ACO1: variants seen among roughly 807,000 people sequenced by gnomAD.
ACO1 encodes the protein cytoplasmic aconitate hydratase.
ACO1 carries 78 observed loss-of-function variants against 105.1 expected under a neutral mutation model. That is an observed-to-expected ratio of 0.74 (90% confidence interval 0.62 to 0.90). ACO1 has a LOEUF of 0.90. Ranked by LOEUF, ACO1 falls within the 40% of genes least tolerant of loss-of-function variation. The pLI is 0.00. For synonymous variants in ACO1, 364 were observed against 397.4 expected (o/e 0.92, Z 1.00); for missense variants, 965 against 1,111.1 (o/e 0.87, Z 1.87).
At chr9:32,423,446 G>C (rs950107352) in intron 9 of ACO1, 27 bp downstream of exon 9, 9 of 1,449,950 alleles carry the variant, frequency 6.2e-6, no homozygotes, top group African/African-American at 4.3e-5. Context: ...CACTGTGCAT[G>C]TATTTCCTCT....
intron 19 of ACO1, among the ~76,000 whole-genome samples, chr9:32,443,433 CTT>C (rs1007161007): frequency 1.2e-4 from 18 of 152,270 alleles, no homozygotes; most frequent in Middle Eastern, 6.8e-3. Flanking sequence ...AACCAAGTGA[CTT>C]TTCAAGATAT....
intron 4 of ACO1, among the ~76,000 whole-genome samples, chr9:32,415,269 C>T (rs1009521574): frequency 6.6e-6 from 1 of 152,136 alleles, no homozygotes; most frequent in Non-Finnish European, 1.5e-5. Flanking sequence ...TAGATTCAGA[C>T]TGGTGCATGA....
At chr9:32,429,077 TATGAC>T (rs1485344008) in intron 12 of ACO1, among the ~76,000 whole-genome samples, 2 of 152,194 alleles carry the variant, frequency 1.3e-5, no homozygotes, top group Non-Finnish European at 2.9e-5. Context: ...ATTCCTGACT[TATGAC>T]ATATATTTTA....
At chr9:32,427,046 A>G (rs1822115278) in intron 11 of ACO1, among the ~76,000 whole-genome samples, 1 of 152,208 alleles carries the variant, frequency 6.6e-6, no homozygotes, top group Admixed American at 6.5e-5. Flanking sequence ...CTCTTTAAAA[A>G]AAAAGTAAGC....
chr9:32,440,511 C>A lies in ACO1; in HGVS notation c.2294C>A (p.Pro765His), dbSNP rs1027207166. 1.9e-6 allele frequency: 3 copies of A among 1,613,890 alleles called. No individual in the cohort carries two copies. The African/African-American group carries it at 4.0e-5, about 22-fold the overall frequency. ...AAERYQQAGL[P>H]LIVLAGKEYG... ...GAGCGGTACCAGCAGGCAGGCCTTC[C>A]CCTGATCGTTCTGGCTGGCAAAGAG... Residue 765 changes from proline to histidine, a missense_variant, in exon 19 of 21, where the codon CCC (proline) becomes CAC (histidine). Physicochemically the swap from Pro to His is moderately conservative, Grantham distance 77. Transcript: ENST00000309951.
chr9:32,420,817 C>T lies in ACO1; in HGVS notation c.799-39C>T, dbSNP rs764484833. 2.5e-6 allele frequency: 4 copies of T among 1,596,328 alleles called. No homozygotes were observed. In the South Asian group the frequency reaches 4.5e-5, roughly 18 times the overall value. On this transcript the variant is annotated intron_variant, in intron 7 of 20. Transcript: ENST00000309951. Reference sequence around the variant, plus strand: ...GTAGTTCTGCATTTTGAATGTGGGCCATCAGATCTCAAACTTTTCTGTTGT... The same window carrying T: ...GTAGTTCTGCATTTTGAATGTGGGCTATCAGATCTCAAACTTTTCTGTTGT...
At chr9:32,409,943 A>G (rs778208067) in intron 4 of ACO1, among the ~76,000 whole-genome samples, 10 of 152,252 alleles carry the variant, frequency 6.6e-5, no homozygotes, top group Non-Finnish European at 1.2e-4. Context: ...TTGAAAGTGA[A>G]TACTTCTTAA....
chr9:32,419,510 G>C (rs1234246984), intron 7 of ACO1, among the ~76,000 whole-genome samples: 1 of 152,158 alleles, frequency 6.6e-6, no homozygotes, highest in Non-Finnish European at 1.5e-5. Context: ...AGTTGCTTCA[G>C]AGCTCTCTGT....
At chr9:32,405,354 A>C (rs1821586512) in intron 1 of ACO1, 131 bp from the exon 2 acceptor site, 1 of 590,590 alleles carries the variant, frequency 1.7e-6, no homozygotes, top group Non-Finnish European at 3.0e-6. Flanking sequence ...TTTAAAGTTC[A>C]GTGTGTACAT....
rs1001411180 is a variant in ACO1, at chr9:32,427,391, A to G, written c.1439A>G (p.Tyr480Cys). 8 of 1,614,068 alleles carry G rather than the reference A, an allele frequency of 5.0e-6. No homozygotes were observed. In the African/African-American group the frequency reaches 9.3e-5, roughly 19 times the overall value. ...SLSPGSGVVT[Y>C]YLQESGVMPY... ...TCTCCTGGGAGTGGCGTGGTCACCT[A>G]CTACCTACAAGAAAGCGGAGTCATG... Residue 480 changes from tyrosine to cysteine, a missense_variant, in exon 12 of 21, where the codon TAC becomes TGC. By Grantham distance (194) the Tyr-to-Cys change is radical. Transcript: ENST00000309951.
chr9:32,440,589 T>G lies in ACO1; in HGVS notation c.2370+2T>G, dbSNP rs763620152. ...GCAGCTAAGGGCCCTTTCCTGCTGGTGAGTATGAAGTAGACATCCTAGGAG... is the reference window on the plus strand; with the variant it reads ...GCAGCTAAGGGCCCTTTCCTGCTGGGGAGTATGAAGTAGACATCCTAGGAG... On this transcript the variant is annotated splice_donor_variant, in intron 19 of 20. Coordinates refer to ENST00000309951, the MANE Select transcript of ACO1 (RefSeq NM_002197.3). LOFTEE classifies it high-confidence loss of function. The G allele has an allele frequency of 1.2e-6, 2 of 1,613,398 alleles. No individual in the cohort carries two copies. Among genetic ancestry groups the G allele is most frequent in the Non-Finnish European group, 1.7e-6 (2 of 1,179,710 alleles).
intron 1 of ACO1, among the ~76,000 whole-genome samples, chr9:32,398,018 AAAAAC>A (rs1821407784): frequency 6.6e-6 from 1 of 152,108 alleles, no homozygotes; most frequent in South Asian, 2.1e-4. Context: ...CAAACAAACA[AAAAAC>A]AAATTCTCAT....
At position 32,429,413 on chromosome 9, in the gene ACO1, G is replaced by A. The variant is rs1822175859; in HGVS notation, c.1485-6G>A. 1.9e-6 allele frequency: 3 copies of A among 1,613,948 alleles called. No individual in the cohort carries two copies. Among genetic ancestry groups the A allele is most frequent in the Non-Finnish European group, 2.5e-6 (3 of 1,179,832 alleles). The stretch of plus-strand genomic sequence containing the variant: ...TGTGTGTGTGTGCTTCTCTCTTGGT[G>A]TCTAGGTTTGACGTGGTGGGCTATG... On this transcript the variant is annotated splice_region_variant and splice_polypyrimidine_tract_variant and intron_variant, in intron 12 of 20. Coordinates refer to ENST00000309951, the MANE Select transcript of ACO1 (RefSeq NM_002197.3).
chr9:32,442,059 G>A (rs1020150639), intron 19 of ACO1, among the ~76,000 whole-genome samples: 3 of 151,990 alleles, frequency 2.0e-5, no homozygotes, highest in Non-Finnish European at 2.9e-5. Context: ...GTAGCAGTGC[G>A]TCTCAAGTTT....
Position 32,407,361 on chromosome 9 carries a change from G to C in ACO1, c.198G>C (p.Trp66Cys). ...AGGATATTGAAAATATTCTACATTG[G>C]AATGTCACGCAGCACAAGAACATAG... ...KKQDIENILH[W>C]NVTQHKNIEV... Residue 66 changes from tryptophan (W) to cysteine (C), a missense_variant, in exon 3 of 21, where the codon TGG becomes TGC. Physicochemically the swap from Trp to Cys is radical, Grantham distance 215. Coordinates refer to ENST00000309951, the MANE Select transcript of ACO1 (RefSeq NM_002197.3). 1 of 1,614,096 alleles carries C rather than the reference G, an allele frequency of 6.2e-7. No individual in the cohort carries two copies. Among genetic ancestry groups the C allele is most frequent in the Non-Finnish European group, 8.5e-7 (1 of 1,180,000 alleles).
Position 32,450,214 on chromosome 9 carries a change from C to CTTGTAGATGGAGCAAGT in ACO1, c.*104_*120dup, listed in dbSNP as rs764439669. On this transcript the variant is annotated 3_prime_UTR_variant, in exon 21 of 21. Coordinates refer to ENST00000309951, the MANE Select transcript of ACO1 (RefSeq NM_002197.3). Reference sequence around the variant, plus strand: ...TGGCTGCCTCTGGGAGGGGTGCTGCCTTGTAGATGGAGCAAGTGAGCACTG... The same window carrying CTTGTAGATGGAGCAAGT: ...TGGCTGCCTCTGGGAGGGGTGCTGCCTTGTAGATGGAGCAAGTTTGTAGATGGAGCAAGTGAGCACTG... The CTTGTAGATGGAGCAAGT allele has an allele frequency of 3.4e-6, 3 of 885,186 alleles. No individual in the cohort carries two copies. Among genetic ancestry groups the CTTGTAGATGGAGCAAGT allele is most frequent in the Non-Finnish European group, 5.8e-6 (3 of 519,694 alleles). The allele number at this position is 885,186 out of a possible 1,614,324, so 54.8% of individuals were successfully genotyped here.
intron 8 of ACO1, 68 bp downstream of exon 8, chr9:32,421,095 A>G: frequency 1.3e-6 from 2 of 1,531,082 alleles, no homozygotes; most frequent in Non-Finnish European, 1.8e-6. Context: ...GAATCTGAGC[A>G]CTGCCTTCTG....
chr9:32,424,817 C>T, intron 10 of ACO1, 152 bp downstream of exon 10: 1 of 609,714 alleles, frequency 1.6e-6, no homozygotes, highest in Non-Finnish European at 2.9e-6. Context: ...TAATGACTTC[C>T]TCCATTAGTC....
At chr9:32,425,787 A>G (rs1333174662) in intron 10 of ACO1, 51 bp from the exon 11 acceptor site, 4 of 1,310,472 alleles carry the variant, frequency 3.1e-6, no homozygotes, top group South Asian at 1.4e-5. Context: ...AGATACATGT[A>G]TATCTTATAT....
Sources: gnomAD v4.1 joint callset for allele counts (sites outside exome capture counted in the v4.1 genomes callset) on GRCh38, gnomAD v4.1.1 for gene constraint, MANE v1.5 for transcripts, NCBI Gene and HGNC (gene_info 2026-07-23, HGNC 2026-07-21) for gene names.